PAXBP1: variants seen among roughly 807,000 people sequenced by gnomAD.
PAXBP1 encodes PAX3- and PAX7-binding protein 1.
A neutral mutation model predicts 119.9 loss-of-function variants in PAXBP1; 44 were observed. The ratio of observed to expected loss-of-function variants is 0.37; its 90% CI spans 0.29 to 0.47. The LOEUF is 0.47. PAXBP1 is among the 20% of genes least tolerant of loss of function. PAXBP1 has a pLI of 0.99. For missense variants in PAXBP1, 898 were observed against 1,134.1 expected (o/e 0.79, Z 2.99); for synonymous variants, 393 against 406.6 (o/e 0.97, Z 0.40).
intron 10 of PAXBP1, among the ~76,000 whole-genome samples, chr21:32,748,952 A>T (rs1292052244): frequency 6.6e-6 from 1 of 152,198 alleles, no homozygotes; most frequent in Non-Finnish European, 1.5e-5. Flanking sequence ...AGTTTGGCTA[A>T]ATAAAACCTG....
intron 17 of PAXBP1, among the ~76,000 whole-genome samples, chr21:32,735,685 A>C (rs2043682994): frequency 6.6e-6 from 1 of 152,226 alleles, no homozygotes; most frequent in Non-Finnish European, 1.5e-5. Context: ...AGTTCTATTC[A>C]AGAGGCCCAG....
intron 7 of PAXBP1, chr21:32,756,652 CCCAT>C (rs1232819280): frequency 4.0e-6 from 1 of 252,936 alleles, no homozygotes; most frequent in Non-Finnish European, 7.6e-6. Flanking sequence ...TTTACACTTC[CCCAT>C]GCCCTCATTT....
chr21:32,753,425 C>CAAAAAA (rs757858309), intron 8 of PAXBP1, among the ~76,000 whole-genome samples: 4 of 90,960 alleles, frequency 4.4e-5, no homozygotes, highest in Admixed American at 2.3e-4. Context: ...GACTCCGTCT[C>CAAAAAA]AAAAAAAAAA....
chr21:32,734,906 T>G lies in PAXBP1; in HGVS notation c.*44A>C. On this transcript the variant is annotated 3_prime_UTR_variant, in exon 18 of 18. Transcript: ENST00000331923. ...TTTACATATATACAAAATTTACACA[T>G]TGGGAATGGTAATCAAGCAAATAGG... The G allele has an allele frequency of 7.1e-7, 1 of 1,412,208 alleles. No individual in the cohort carries two copies. The highest frequency in any genetic ancestry group is 1.0e-6 in the Non-Finnish European group (1 of 997,660). The allele number at this position is 1,412,208 out of a possible 1,614,324, so 87.5% of individuals were successfully genotyped here. A position where few individuals can be genotyped will look rare whatever the true frequency, so the allele number is the denominator to read the frequency against.
intron 2 of PAXBP1, among the ~76,000 whole-genome samples, chr21:32,767,702 G>A (rs1004468949): frequency 1.7e-4 from 26 of 152,142 alleles, no homozygotes; most frequent in East Asian, 1.4e-3. Flanking sequence ...TCTTGCTGCC[G>A]CCATGTAAAA....
At chr21:32,765,461 C>G (rs1328953728) in intron 2 of PAXBP1, among the ~76,000 whole-genome samples, 1 of 152,192 alleles carries the variant, frequency 6.6e-6, no homozygotes, top group African/African-American at 2.4e-5. Context: ...AAGCACTGAA[C>G]CTGGTAATGC....
Position 32,737,421 on chromosome 21 carries a change from A to C in PAXBP1, c.2482-13T>G. 6.3e-7 allele frequency: 1 copy of C among 1,589,172 alleles called. No homozygotes were observed. The highest frequency in any genetic ancestry group is 1.1e-5 in the South Asian group (1 of 88,248). Reference sequence around the variant, plus strand: ...AACAATTGATTACCTGTGGAGAAGAAAGACGTAAAATAAAATAGTTAAGAC... The same window carrying C: ...AACAATTGATTACCTGTGGAGAAGACAGACGTAAAATAAAATAGTTAAGAC... On this transcript the variant is annotated splice_polypyrimidine_tract_variant and intron_variant, in intron 16 of 17. Coordinates refer to ENST00000331923, the MANE Select transcript of PAXBP1 (RefSeq NM_016631.4).
At chr21:32,764,315 G>GTTTA in intron 3 of PAXBP1, 33 bp downstream of exon 3, 1 of 1,603,892 alleles carries the variant, frequency 6.2e-7, no homozygotes, top group Non-Finnish European at 8.5e-7. Context: ...TGAGGGTTTA[G>GTTTA]TTTAGTTCTG....
chr21:32,757,307 G>A (rs184354652), intron 7 of PAXBP1, among the ~76,000 whole-genome samples: 6 of 149,414 alleles, frequency 4.0e-5, no homozygotes. Context: ...TTATTTTTAA[G>A]ATTATCTTCT....
At position 32,771,394 on chromosome 21, in the gene PAXBP1, C is replaced by A. The variant is rs762320885; in HGVS notation, c.275G>T (p.Arg92Leu). 25 of 1,575,716 alleles carry A rather than the reference C, an allele frequency of 1.6e-5. No individual in the cohort carries two copies. The highest frequency in any genetic ancestry group is 2.0e-5 in the Non-Finnish European group (23 of 1,169,374). ...CTCTTTGTTCTCGCGAGGCCTCTTG[C>A]GCGGCTTCAGCCCGTTGCCGGGCTC... ...GAEPGNGLKPRKRPRENKEVP... is the reference protein window; with the variant it reads ...GAEPGNGLKPLKRPRENKEVP... The change falls in exon 1 of 18, where the codon CGC (arginine) becomes CTC (leucine). Residue 92 changes from arginine (R) to leucine (L), a missense_variant. By Grantham distance (102) the Arg-to-Leu change is moderately radical (BLOSUM62 -2). Coordinates refer to ENST00000331923, the MANE Select transcript of PAXBP1 (RefSeq NM_016631.4).
rs1020505455 is a variant in PAXBP1, at chr21:32,771,696, C to T, written c.-28G>A. ...CCGCGGCCCGCACGGCGGTCGAATA[C>T]TCGCTTCCACACCGCGGCCCCGGCA... On this transcript the variant is annotated 5_prime_UTR_variant, in exon 1 of 18. Transcript: ENST00000331923. The T allele has an allele frequency of 2.2e-6, 3 of 1,372,420 alleles. No individual in the cohort carries two copies. Among genetic ancestry groups the T allele is most frequent in the South Asian group, 1.6e-5 (1 of 61,738 alleles). 85.0% of individuals were successfully genotyped at this position (1,372,420 alleles called of 1,614,324 possible).
chr21:32,764,651 G>T, intron 2 of PAXBP1, 127 bp from the exon 3 acceptor site: 1 of 646,300 alleles, frequency 1.5e-6, no homozygotes, highest in South Asian at 2.4e-5. Flanking sequence ...ATTCAATTAT[G>T]GGCTCAATCC....
intron 15 of PAXBP1, chr21:32,741,281 G>T: frequency 2.9e-6 from 1 of 346,676 alleles, no homozygotes; most frequent in Non-Finnish European, 5.3e-6. Context: ...TCGGGGCCAA[G>T]GGAAGGCTTC....
At chr21:32,771,055 C>T (rs2044332039) in intron 1 of PAXBP1, among the ~76,000 whole-genome samples, 1 of 152,248 alleles carries the variant, frequency 6.6e-6, no homozygotes, top group South Asian at 2.1e-4. Flanking sequence ...GGACAGGGAA[C>T]ACCGAATTTC....
intron 15 of PAXBP1, 107 bp downstream of exon 15, chr21:32,743,141 A>C (rs1422045007): frequency 1.2e-6 from 1 of 829,874 alleles, no homozygotes; most frequent in East Asian, 2.6e-5. Context: ...GTATAGATAT[A>C]AATAGATCTA....
chr21:32,743,855 A>G, intron 13 of PAXBP1, 101 bp from the exon 14 acceptor site: 3 of 665,020 alleles, frequency 4.5e-6, no homozygotes. Flanking sequence ...TGAGTGAACT[A>G]GTTTCTCAAA....
chr21:32,747,012 G>C (rs765071039), intron 11 of PAXBP1, among the ~76,000 whole-genome samples: 1 of 147,080 alleles, frequency 6.8e-6, no homozygotes, highest in African/African-American at 2.5e-5. Context: ...ACATGTTCTC[G>C]CAAGTGGGAG....
At chr21:32,741,681 A>T in intron 15 of PAXBP1, 1 of 633,940 alleles carries the variant, frequency 1.6e-6, no homozygotes, top group Non-Finnish European at 2.8e-6. Flanking sequence ...AGAAAGGCAG[A>T]GGCAAAATTA....
intron 13 of PAXBP1, 42 bp from the exon 14 acceptor site, chr21:32,743,796 T>A: frequency 1.8e-6 from 2 of 1,125,084 alleles, no homozygotes; most frequent in South Asian, 1.4e-5. Context: ...ATAAGGACTA[T>A]GACAAGAAAA....
Sources: allele counts gnomAD v4.1 joint callset (sites outside exome capture counted in the v4.1 genomes callset), GRCh38; gene constraint gnomAD v4.1.1; transcripts MANE v1.5; gene names NCBI Gene and HGNC (gene_info 2026-07-23, HGNC 2026-07-21).